The following HUWE1 variants were observed in gnomAD, a reference collection of about 807,000 sequenced individuals.
The protein encoded by HUWE1 is E3 ubiquitin-protein ligase HUWE1.
HUWE1 carries 18 observed loss-of-function variants against 299.4 expected under a neutral mutation model. The observed-to-expected ratio is 0.06, with a 90% CI of 0.04 to 0.09. The LOEUF (loss-of-function observed/expected upper bound fraction) is 0.09. Ranked by LOEUF, HUWE1 falls within the 10% of genes least tolerant of loss-of-function variation. HUWE1 has a pLI of 1.00. For missense variants in HUWE1, 1,832 were observed against 3,462.3 expected (o/e 0.53, Z 11.82); for synonymous variants, 1,317 against 1,286.1 (o/e 1.02, Z -0.51).
At chrX:53,684,855 A>T (rs782393634) in intron 2 of HUWE1, among the ~76,000 whole-genome samples, 11 of 112,331 alleles carry the variant, frequency 9.8e-5, no homozygotes, top group African/African-American at 2.9e-4. Flanking sequence ...TAAAGGCCAT[A>T]TCATTAGTTC....
At chrX:53,587,774 A>G (rs2063935189) in intron 37 of HUWE1, among the ~76,000 whole-genome samples, 2 of 111,772 alleles carry the variant, frequency 1.8e-5, no homozygotes, top group African/African-American at 6.5e-5. Flanking sequence ...TCAGTTCATT[A>G]AGTTCAGGTT....
At chrX:53,651,775 A>G (rs1557040334) in intron 4 of HUWE1, among the ~76,000 whole-genome samples, 1 of 111,187 alleles carries the variant, frequency 9.0e-6, no homozygotes, top group Non-Finnish European at 1.9e-5. Context: ...TTTTATACCC[A>G]CTGAGCAGCA....
intron 49 of HUWE1, among the ~76,000 whole-genome samples, chrX:53,567,358 G>GC (rs1374487572): frequency 1.6e-5 from 1 of 62,688 alleles, no homozygotes; most frequent in Non-Finnish European, 2.9e-5. Flanking sequence ...TCTTGAAGGG[G>GC]CCACATAGGT....
intron 80 of HUWE1, 65 bp downstream of exon 80, chrX:53,536,082 G>C (rs782371649): frequency 2.2e-5 from 16 of 715,260 alleles, no homozygotes; most frequent in South Asian, 1.3e-4. Context: ...CTAGTTCTAA[G>C]GTGAACCTGG....
chrX:53,629,012 C>A, intron 13 of HUWE1, 110 bp from the exon 14 acceptor site: 9 of 641,602 alleles, frequency 1.4e-5, no homozygotes, highest in Non-Finnish European at 1.7e-5. Context: ...CTACTGGTAA[C>A]TGCTTGAGGG....
rs73634292 is a variant in HUWE1 at position 53,667,498 on chromosome X, G to A, written c.-25+12551C>T. ...GGCAAAATCATCTAACACAAAGCCC[G>A]TTTTATAATAAATGTTCAATGTCTC... On this transcript the variant is annotated intron_variant, in intron 3 of 83. Coordinates refer to ENST00000262854, the MANE Select transcript of HUWE1 (RefSeq NM_031407.7). Among the ~76,000 whole-genome samples, 319 of 111,305 alleles carry A rather than the reference G, an allele frequency of 2.9e-3. 2 individuals carry two copies. The highest frequency in any genetic ancestry group is 9.6e-3 in the African/African-American group (292 of 30,262).
intron 43 of HUWE1, among the ~76,000 whole-genome samples, chrX:53,578,886 CCGTCCGGGAGGGAGGTGGGGGGATCA>C (rs1556963092): frequency 3.1e-4 from 24 of 77,257 alleles, no homozygotes; most frequent in African/African-American, 1.2e-3. Flanking sequence ...GCCAGCCGCC[CCGTCCGGGAGGGAGGTGGGGGGATCA>C]GCCCCCCGCC....
chrX:53,535,603 G>C, intron 80 of HUWE1, 102 bp from the exon 81 acceptor site: 1 of 575,501 alleles, frequency 1.7e-6, no homozygotes. Flanking sequence ...CCTAGGCAGA[G>C]AGATGAGGCA....
In HUWE1 at chrX:53,545,118, C is replaced by T; in HGVS notation, c.10959G>A (p.Gln3653=). The change falls in exon 71 of 84, where the codon CAG becomes CAA. Residue 3653 remains glutamine (Q), a synonymous_variant. Coordinates refer to ENST00000262854, the MANE Select transcript of HUWE1 (RefSeq NM_031407.7). ...AELREYNLEQ[Q]RRAQCETLSP... ...AGAGGGTTTCACATTGGGCTCGCCG[C>T]TGCTGCTCGAGGTTGTATTCCCGCA... 2 of 1,210,208 alleles carry T rather than the reference C, an allele frequency of 1.7e-6. No individual in the cohort carries two copies. The highest frequency in any genetic ancestry group is 2.2e-6 in the Non-Finnish European group (2 of 894,802).
chrX:53,583,910 G>A lies in HUWE1; in HGVS notation c.5168C>T (p.Pro1723Leu), dbSNP rs1556970545. 16 of 1,183,421 alleles carry A rather than the reference G, an allele frequency of 1.4e-5. No individual in the cohort carries two copies. The highest frequency in any genetic ancestry group is 1.8e-5 in the Non-Finnish European group (16 of 870,166). ...AGTGTTTGTACTCTCTAGGGCCAAAGGGGTATCTATAAAATGGGAAAATAA... is the reference window on the plus strand; with the variant it reads ...AGTGTTTGTACTCTCTAGGGCCAAAAGGGTATCTATAAAATGGGAAAATAA... ...KRKENKGNDT[P>L]LALESTNTEK... Residue 1723 changes from proline (P) to leucine (L), a missense_variant, in exon 42 of 84, where the codon CCT becomes CTT. Around this residue, in one of 15 missense-constraint regions of HUWE1, gnomAD observed 46 missense variants for 42.6 expected, o/e 1.08. Coordinates refer to ENST00000262854, the MANE Select transcript of HUWE1 (RefSeq NM_031407.7).
intron 3 of HUWE1, among the ~76,000 whole-genome samples, chrX:53,671,121 C>T (rs1395995327): frequency 9.0e-6 from 1 of 110,660 alleles, no homozygotes; most frequent in Non-Finnish European, 1.9e-5. Context: ...ACTTTGGGGA[C>T]TCAGGGGGAA....
At chrX:53,548,403 T>C in intron 67 of HUWE1, 130 bp from the exon 68 acceptor site, 2 of 768,085 alleles carry the variant, frequency 2.6e-6, no homozygotes, top group Non-Finnish European at 3.8e-6. Context: ...GGATATGTCA[T>C]ATAAGAGTTT....
intron 47 of HUWE1, among the ~76,000 whole-genome samples, chrX:53,573,107 T>A (rs1411430642): frequency 8.9e-6 from 1 of 111,929 alleles, no homozygotes. Context: ...GATTACTCTA[T>A]CAGATTCCTA....
At chrX:53,590,257 G>T (rs782433285) in intron 35 of HUWE1, 147 bp downstream of exon 35, 6 of 524,702 alleles carry the variant, frequency 1.1e-5, no homozygotes, top group African/African-American at 2.3e-5. Flanking sequence ...CTCAATAATG[G>T]ATGGCAAAGC....
chrX:53,635,181 T>G (rs2067128703), intron 7 of HUWE1, among the ~76,000 whole-genome samples: 1 of 110,378 alleles, frequency 9.1e-6, no homozygotes, highest in Non-Finnish European at 1.9e-5. Flanking sequence ...CTGAAGAGAT[T>G]TTTATATTAC....
chrX:53,552,481 C>G, intron 62 of HUWE1, 40 bp from the exon 63 acceptor site: 1 of 1,208,648 alleles, frequency 8.3e-7, no homozygotes, highest in Non-Finnish European at 1.1e-6. Context: ...TGTATTATGT[C>G]TTCTCGTTTA....
chrX:53,596,766 G>C (rs1397384611), intron 29 of HUWE1, among the ~76,000 whole-genome samples: 1 of 112,471 alleles, frequency 8.9e-6, no homozygotes, highest in Non-Finnish European at 1.9e-5. Flanking sequence ...CATATGAAGT[G>C]TCACTAGTGA....
chrX:53,592,503 C>G lies in HUWE1; in HGVS notation c.3867G>C (p.Glu1289Asp). The G allele has an allele frequency of 1.7e-6, 2 of 1,210,726 alleles. No homozygotes were observed. Among genetic ancestry groups the G allele is most frequent in the Non-Finnish European group, 2.2e-6 (2 of 894,791 alleles). Residue 1289 changes from glutamate (E) to aspartate (D), a missense_variant, in exon 33 of 84, where the codon GAG (glutamate) becomes GAC (aspartate). Physicochemically the swap from Glu to Asp is conservative, Grantham distance 45. Coordinates refer to ENST00000262854, the MANE Select transcript of HUWE1 (RefSeq NM_031407.7). ...HILRGEPVIR[E>D]RLSKEKEGSR... ...ACCCCTCCTTCTCCTTGCTTAGTCTCTCTCGAATCACAGGTTCTCCTCGGA... is the reference window on the plus strand; with the variant it reads ...ACCCCTCCTTCTCCTTGCTTAGTCTGTCTCGAATCACAGGTTCTCCTCGGA...
chrX:53,679,527 C>T (rs200374703), intron 3 of HUWE1, among the ~76,000 whole-genome samples: 8 of 111,743 alleles, frequency 7.2e-5, no homozygotes, highest in African/African-American at 2.6e-4. Context: ...TGGTGGCTCA[C>T]GCCTGTAATC....
Sources: gnomAD v4.1 joint callset for allele counts (sites outside exome capture counted in the v4.1 genomes callset) on GRCh38, gnomAD v4.1.1 for gene constraint, gnomAD v4.1.1 regional missense constraint, MANE v1.5 for transcripts, NCBI Gene and HGNC (gene_info 2026-07-23, HGNC 2026-07-21) for gene names.